Variants in SMG6 observed in about 807,000 individuals in gnomAD.
The protein encoded by SMG6 is telomerase-binding protein EST1A.
Under a neutral mutation model 142.2 loss-of-function variants are expected in SMG6, and 66 were observed. The observed-to-expected ratio is 0.46, with a 90% CI of 0.38 to 0.57. The LOEUF is 0.57. SMG6 is among the 20% of genes least tolerant of loss of function. SMG6 has a pLI of 0.00. For missense variants in SMG6, 1,793 were observed against 1,832.0 expected (o/e 0.98, Z 0.39); for synonymous variants, 779 against 702.4 (o/e 1.11, Z -1.72).
At chr17:2,142,004 G>A (rs563939160) in intron 13 of SMG6, among the ~76,000 whole-genome samples, 2 of 152,186 alleles carry the variant, frequency 1.3e-5, no homozygotes, top group South Asian at 2.1e-4. Context: ...AAGAAACTTC[G>A]TTTAGTGAGG....
chr17:2,085,963 T>C lies in SMG6; in HGVS notation c.3358-62A>G. 6.4e-7 allele frequency: 1 copy of C among 1,551,658 alleles called. No homozygotes were observed. Among genetic ancestry groups the C allele is most frequent in the South Asian group, 1.1e-5 (1 of 89,382 alleles). The stretch of plus-strand genomic sequence containing the variant: ...TCTGAAAGGGAAGATGGAGACGAGA[T>C]GTTGCTTGCCGGCTGAGGGGCACAG... On this transcript the variant is annotated intron_variant, in intron 13 of 18. Coordinates refer to ENST00000263073, the MANE Select transcript of SMG6 (RefSeq NM_017575.5). This position sits in a 1 kb window ranked among gnomAD's most constrained non-coding sequence, Gnocchi z 4.1.
At chr17:2,276,753 C>T (rs909582136) in intron 8 of SMG6, among the ~76,000 whole-genome samples, 7 of 152,072 alleles carry the variant, frequency 4.6e-5, no homozygotes, top group Non-Finnish European at 8.8e-5. Context: ...CGTAACCCTT[C>T]CCAAGTCCAC....
At chr17:2,065,241 C>T in intron 17 of SMG6, 87 bp from the exon 18 acceptor site, 1 of 1,218,760 alleles carries the variant, frequency 8.2e-7, no homozygotes, top group Admixed American at 1.8e-5. Context: ...CTCGGGGGCC[C>T]TGGGCAGGGC....
chr17:2,176,295 G>T (rs563668803), intron 12 of SMG6, among the ~76,000 whole-genome samples: 87 of 152,276 alleles, frequency 5.7e-4, no homozygotes, highest in African/African-American at 1.6e-3. Flanking sequence ...GCAGCCCTTA[G>T]GCCCTATGGA....
chr17:2,191,447 G>T (rs567972920), intron 10 of SMG6, among the ~76,000 whole-genome samples: 14 of 152,302 alleles, frequency 9.2e-5, no homozygotes, highest in Admixed American at 2.6e-4. Context: ...TGGGGTGGGG[G>T]AGGAAAAGGC....
chr17:2,199,009 G>C (rs1317998622), intron 10 of SMG6, among the ~76,000 whole-genome samples: 1 of 131,578 alleles, frequency 7.6e-6, no homozygotes, highest in African/African-American at 2.9e-5. Flanking sequence ...TCTGTCTAAA[G>C]AATAAGGAGT....
intron 13 of SMG6, among the ~76,000 whole-genome samples, chr17:2,158,507 A>G (rs1481407129): frequency 6.6e-6 from 1 of 152,188 alleles, no homozygotes; most frequent in African/African-American, 2.4e-5. Context: ...GACAATAATG[A>G]TATCACAAAA....
intron 13 of SMG6, among the ~76,000 whole-genome samples, chr17:2,156,385 C>T (rs2071003536): frequency 1.0e-5 from 1 of 98,380 alleles, no homozygotes; most frequent in South Asian, 3.8e-4. Flanking sequence ...CAGAGAGACA[C>T]TCCTTCTCAA....
intron 1 of SMG6, among the ~76,000 whole-genome samples, chr17:2,301,662 G>A (rs2075280228): frequency 6.6e-6 from 1 of 152,084 alleles, no homozygotes; most frequent in Non-Finnish European, 1.5e-5. Context: ...CTAACACGGT[G>A]AAACCCCGTC....
intron 13 of SMG6, among the ~76,000 whole-genome samples, chr17:2,091,116 A>G (rs1453021937): frequency 6.6e-6 from 1 of 152,232 alleles, no homozygotes; most frequent in Non-Finnish European, 1.5e-5. Context: ...TCACCCTCAG[A>G]GGAAACTGAA....
At chr17:2,174,499 G>A (rs2071599760) in intron 12 of SMG6, among the ~76,000 whole-genome samples, 1 of 152,212 alleles carries the variant, frequency 6.6e-6, no homozygotes. Context: ...ATTGCACTAG[G>A]AAAAGGCAAT....
intron 6 of SMG6, among the ~76,000 whole-genome samples, chr17:2,288,209 G>A (rs147273316): frequency 6.6e-6 from 1 of 152,248 alleles, no homozygotes; most frequent in African/African-American, 2.4e-5. Flanking sequence ...AGCTACTCAG[G>A]AAGCTGAGAA....
chr17:2,186,980 T>A, intron 11 of SMG6, 149 bp from the exon 12 acceptor site: 1 of 787,430 alleles, frequency 1.3e-6, no homozygotes, highest in Non-Finnish European at 2.0e-6. Flanking sequence ...CGCCAGCACC[T>A]AAGAGGATTC....
At chr17:2,222,976 A>C (rs2073220157) in intron 10 of SMG6, among the ~76,000 whole-genome samples, 1 of 152,166 alleles carries the variant, frequency 6.6e-6, no homozygotes, top group African/African-American at 2.4e-5. Flanking sequence ...AGAGGTGAAA[A>C]GAGGTTATGT....
At chr17:2,120,246 T>C (rs2069645220) in intron 13 of SMG6, among the ~76,000 whole-genome samples, 1 of 152,226 alleles carries the variant, frequency 6.6e-6, no homozygotes, top group African/African-American at 2.4e-5. Context: ...TATCAAAAGA[T>C]ATTAAGAAAA....
Position 2,161,384 on chromosome 17 carries a change from C to T in SMG6, c.3357+11274G>A, listed in dbSNP as rs571131924. 8.6e-5 allele frequency among the ~76,000 whole-genome samples: 13 copies of T among 151,920 alleles called. No individual in the cohort carries two copies. The South Asian group carries it at 2.7e-3, about 32-fold the overall frequency. ...CCTCTCAAAGTGCTAGGATTACAGG[C>T]ATGAGCCACCAATCCCGGCCTTTAT... On this transcript the variant is annotated intron_variant, in intron 13 of 18. Coordinates refer to ENST00000263073, the MANE Select transcript of SMG6 (RefSeq NM_017575.5).
At chr17:2,246,380 G>A (rs1473969516) in intron 8 of SMG6, among the ~76,000 whole-genome samples, 1 of 152,204 alleles carries the variant, frequency 6.6e-6, no homozygotes, top group African/African-American at 2.4e-5. Flanking sequence ...CCCACAAGGA[G>A]AAAGTCCCTG....
At position 2,300,099 on chromosome 17, in the gene SMG6, C is replaced by T; in HGVS notation, c.654G>A (p.Lys218=). The change falls in exon 2 of 19, where the codon AAG becomes AAA. Residue 218 remains lysine, a synonymous_variant. Coordinates refer to ENST00000263073, the MANE Select transcript of SMG6 (RefSeq NM_017575.5). The part of the protein sequence containing the change: ...RVGAAKGEKG[K]RMGKGEGVRE... ...TCACCCCCTCCCCTTTTCCCATCCT[C>T]TTTCCTTTTTCTCCTTTTGCAGCCC... is the stretch of plus-strand genomic sequence containing the variant. 6.2e-7 allele frequency: 1 copy of T among 1,614,200 alleles called. No homozygotes were observed. Among genetic ancestry groups the T allele is most frequent in the Non-Finnish European group, 8.5e-7 (1 of 1,180,040 alleles).
chr17:2,150,105 C>G (rs772476058), intron 13 of SMG6, among the ~76,000 whole-genome samples: 1 of 152,176 alleles, frequency 6.6e-6, no homozygotes, highest in East Asian at 1.9e-4. Flanking sequence ...AGGAAGAGAG[C>G]GGTCAAAGCA....
Sources: gnomAD v4.1 joint callset for allele counts (sites outside exome capture counted in the v4.1 genomes callset) on GRCh38, gnomAD v4.1.1 for gene constraint, Gnocchi (gnomAD v3.1) non-coding constraint, MANE v1.5 for transcripts, NCBI Gene and HGNC (gene_info 2026-07-23, HGNC 2026-07-21) for gene names.